Variants in EXT2 observed in about 807,000 individuals in gnomAD.
The protein encoded by EXT2 is exostosin-2.
A neutral mutation model predicts 81.6 loss-of-function variants in EXT2; 53 were observed. The ratio of observed to expected loss-of-function variants is 0.65; its 90% CI spans 0.52 to 0.82. EXT2 has a LOEUF of 0.82. Ranked by LOEUF, EXT2 falls within the 40% of genes least tolerant of loss-of-function variation. The pLI is 0.00. For synonymous variants in EXT2, 320 were observed against 340.0 expected (o/e 0.94, Z 0.65); for missense variants, 774 against 910.2 (o/e 0.85, Z 1.93).
chr11:44,134,712 G>A (rs1479383788), intron 7 of EXT2, among the ~76,000 whole-genome samples: 1 of 152,196 alleles, frequency 6.6e-6, no homozygotes, highest in Non-Finnish European at 1.5e-5. Context: ...AGGGAGGAAG[G>A]TGTAAATGGA....
intron 8 of EXT2, among the ~76,000 whole-genome samples, chr11:44,187,518 C>A (rs1334000475): frequency 6.6e-6 from 1 of 152,116 alleles, no homozygotes; most frequent in Non-Finnish European, 1.5e-5. Flanking sequence ...TTTCAGAGAA[C>A]TATTCTAAGA....
Position 44,124,724 on chromosome 11 carries a change from G to A in EXT2, c.744-65G>A, listed in dbSNP as rs988034950. ...TTACTGTCATAAGTTTAATATCAAA[G>A]TTTGTCTTACCTTGACTAACATACC... On this transcript the variant is annotated intron_variant, in intron 4 of 13. Coordinates refer to ENST00000533608, the MANE Select transcript of EXT2 (RefSeq NM_207122.2). 3.8e-5 allele frequency: 55 copies of A among 1,430,220 alleles called. 1 individual carries two copies. In the Admixed American group the frequency reaches 9.4e-4, roughly 24 times the overall value. 88.6% of individuals were successfully genotyped at this position (1,430,220 alleles called of 1,614,324 possible).
chr11:44,234,012 T>A, intron 11 of EXT2, 103 bp from the exon 12 acceptor site: 2 of 1,521,418 alleles, frequency 1.3e-6, no homozygotes, highest in South Asian at 2.3e-5. Flanking sequence ...ATTAATCTTA[T>A]GAGAGAAAGC....
chr11:44,098,329 G>A (rs997919412), intron 1 of EXT2, among the ~76,000 whole-genome samples: 3 of 152,050 alleles, frequency 2.0e-5, no homozygotes, highest in East Asian at 1.9e-4. Flanking sequence ...GTCCTGAGTC[G>A]GGAGCACTGT....
rs1418824077 is a variant in EXT2, at chr11:44,124,736, T to G, written c.744-53T>G. On this transcript the variant is annotated intron_variant, in intron 4 of 13. Coordinates refer to ENST00000533608, the MANE Select transcript of EXT2 (RefSeq NM_207122.2). Reference sequence around the variant, plus strand: ...GTTTAATATCAAAGTTTGTCTTACCTTGACTAACATACCAGCTGCAATTTT... The same window carrying G: ...GTTTAATATCAAAGTTTGTCTTACCGTGACTAACATACCAGCTGCAATTTT... The G allele has an allele frequency of 3.9e-6, 6 of 1,537,958 alleles. No individual in the cohort carries two copies. In the African/African-American group the frequency reaches 6.8e-5, roughly 17 times the overall value.
chr11:44,195,895 T>A (rs1955450032), intron 8 of EXT2, among the ~76,000 whole-genome samples: 1 of 152,230 alleles, frequency 6.6e-6, no homozygotes, highest in Non-Finnish European at 1.5e-5. Context: ...AATGGCAAAT[T>A]TAATATTATA....
intron 4 of EXT2, among the ~76,000 whole-genome samples, chr11:44,119,749 C>T (rs116748165): frequency 1.5e-3 from 221 of 152,342 alleles, no homozygotes; most frequent in African/African-American, 4.6e-3. Context: ...AACACTCAGG[C>T]CTGCTATGTT....
rs1188681688 is a variant in EXT2, at chr11:44,249,769, C to T, written c.*5482C>T. Reference sequence around the variant, plus strand: ...TTCTGTTATGCTAACTATTCATTTTCTCATGAAAATGTAGTCTTTGGCTGG... The same window carrying T: ...TTCTGTTATGCTAACTATTCATTTTTTCATGAAAATGTAGTCTTTGGCTGG... On this transcript the variant is annotated 3_prime_UTR_variant, in exon 14 of 14. Coordinates refer to ENST00000533608, the MANE Select transcript of EXT2 (RefSeq NM_207122.2). 6.6e-6 allele frequency among the ~76,000 whole-genome samples: 1 copy of T among 152,208 alleles called. No individual in the cohort carries two copies. The highest frequency in any genetic ancestry group is 1.9e-4 in the East Asian group (1 of 5,196).
At chr11:44,195,740 A>G (rs1047387154) in intron 8 of EXT2, among the ~76,000 whole-genome samples, 2 of 152,208 alleles carry the variant, frequency 1.3e-5, no homozygotes, top group African/African-American at 2.4e-5. Context: ...CTAGGGAAGT[A>G]TGCAGCAGCC....
intron 7 of EXT2, among the ~76,000 whole-genome samples, chr11:44,164,948 G>A (rs374104849): frequency 6.1e-5 from 9 of 148,318 alleles, no homozygotes; most frequent in East Asian, 2.0e-4. Flanking sequence ...GCGGGATCTC[G>A]GCTCACTGCA....
rs117111679 is a variant in EXT2, at chr11:44,194,036, G to A, written c.1306-3793G>A. ...GGCAGCTCCTTGAAATCAGAGCTGC[G>A]ATGCCTTTCAGGGCTGCCTCAGTTT... On this transcript the variant is annotated intron_variant, in intron 8 of 13. Coordinates refer to ENST00000533608, the MANE Select transcript of EXT2 (RefSeq NM_207122.2). 3.8e-3 allele frequency among the ~76,000 whole-genome samples: 583 copies of A among 152,300 alleles called. 1 individual carries two copies. The highest frequency in any genetic ancestry group is 5.8e-3 in the Non-Finnish European group (395 of 68,034).
intron 13 of EXT2, among the ~76,000 whole-genome samples, chr11:44,240,022 T>A (rs1306352542): frequency 1.3e-5 from 2 of 152,236 alleles, no homozygotes; most frequent in African/African-American, 4.8e-5. Flanking sequence ...AAATGCTATG[T>A]AAATAGTTGT....
At chr11:44,147,543 G>A (rs2135072810) in intron 7 of EXT2, among the ~76,000 whole-genome samples, 1 of 151,554 alleles carries the variant, frequency 6.6e-6, no homozygotes, top group Admixed American at 6.6e-5. Flanking sequence ...CTAGGCCTGG[G>A]CAGGAAGATA....
At chr11:44,196,566 C>T (rs937964899) in intron 8 of EXT2, among the ~76,000 whole-genome samples, 6 of 152,152 alleles carry the variant, frequency 3.9e-5, no homozygotes, top group Non-Finnish European at 7.3e-5. Context: ...TCATCTTTAT[C>T]TTGCAATCCT....
In EXT2 at chr11:44,190,595, C is replaced by T. The variant is rs1410313892; in HGVS notation, c.1306-7234C>T. Among the ~76,000 whole-genome samples the T allele has an allele frequency of 9.9e-5, 15 of 152,208 alleles. 2 individuals carry two copies. On this transcript the variant is annotated intron_variant, in intron 8 of 13. Transcript: ENST00000533608. ...AGTTATACATAGTGACAAAAAATCT[C>T]TGATGTGATGAGGAATAGTAATTAA...
chr11:44,161,378 C>T (rs879748432), intron 7 of EXT2, among the ~76,000 whole-genome samples: 2 of 152,108 alleles, frequency 1.3e-5, no homozygotes, highest in Non-Finnish European at 2.9e-5. Flanking sequence ...CCTCTAGCCA[C>T]AGCTGCTCAG....
At chr11:44,096,172 G>T in intron 1 of EXT2, 2 of 1,237,844 alleles carry the variant, frequency 1.6e-6, no homozygotes, top group Non-Finnish European at 2.3e-6. Flanking sequence ...CCTGCGACCC[G>T]CCCTCCGCCC....
At chr11:44,200,294 C>T (rs369615163) in intron 9 of EXT2, among the ~76,000 whole-genome samples, 1 of 151,536 alleles carries the variant, frequency 6.6e-6, no homozygotes, top group Non-Finnish European at 1.5e-5. Context: ...AATCTACCCC[C>T]CTTCCCACTT....
At position 44,195,914 on chromosome 11, in the gene EXT2, A is replaced by G. The variant is rs186358820; in HGVS notation, c.1306-1915A>G. Among the ~76,000 whole-genome samples, 493 of 152,350 alleles carry G rather than the reference A, an allele frequency of 3.2e-3. 3 individuals are homozygous for G. Among genetic ancestry groups the G allele is most frequent in the Non-Finnish European group, 2.7e-3 (187 of 68,022 alleles). On this transcript the variant is annotated intron_variant, in intron 8 of 13. Transcript: ENST00000533608. ...GCAAATTTAATATTATATATATTTT[A>G]CCACAATTTTTAAAAGTGAACAATG...
Sources: gnomAD v4.1 joint callset for allele counts (sites outside exome capture counted in the v4.1 genomes callset) on GRCh38, gnomAD v4.1.1 for gene constraint, MANE v1.5 for transcripts, NCBI Gene and HGNC (gene_info 2026-07-23, HGNC 2026-07-21) for gene names.